HTR1F: variants seen among roughly 807,000 people sequenced by gnomAD.
The protein encoded by HTR1F is 5-hydroxytryptamine receptor 1F, also known as 5-hydroxytryptamine (serotonin) receptor 1F, G protein-coupled.
Under a neutral mutation model 24.0 loss-of-function variants are expected in HTR1F, and 17 were observed. The ratio of observed to expected loss-of-function variants is 0.71; its 90% CI spans 0.48 to 1.06. The LOEUF is 1.06. Ranked by LOEUF, HTR1F falls within the 50% of genes least tolerant of loss-of-function variation. HTR1F has a pLI of 0.00. For synonymous variants in HTR1F, 186 were observed against 156.8 expected, an observed-to-expected ratio of 1.19 and a Z score of -1.39; for missense variants, 391 against 427.8, an observed-to-expected ratio of 0.91 and a Z score of 0.76.
intron 2 of HTR1F, among the ~76,000 whole-genome samples, chr3:87,982,437 G>A (rs1191374387): frequency 2.0e-5 from 3 of 152,158 alleles, no homozygotes; most frequent in South Asian, 2.1e-4. Context: ...CTGTCAATCC[G>A]ATTCATAGGG....
chr3:87,839,242 A>C (rs1346530485), intron 2 of HTR1F, among the ~76,000 whole-genome samples: 1 of 151,998 alleles, frequency 6.6e-6, no homozygotes, highest in Non-Finnish European at 1.5e-5. Context: ...TGAGTTGCTC[A>C]TTGTAGATAG....
At chr3:87,907,406 G>T (rs938496234) in intron 2 of HTR1F, among the ~76,000 whole-genome samples, 6 of 148,534 alleles carry the variant, frequency 4.0e-5, no homozygotes, top group African/African-American at 1.5e-4. Flanking sequence ...TTAGTTCCTT[G>T]TGGATTCTGG....
intron 2 of HTR1F, among the ~76,000 whole-genome samples, chr3:87,886,892 C>T (rs996726308): frequency 2.0e-5 from 3 of 152,246 alleles, no homozygotes; most frequent in Non-Finnish European, 4.4e-5. Flanking sequence ...TGAAAATGGC[C>T]ATACTGCCCA....
At chr3:87,877,748 T>C (rs1227401102) in intron 2 of HTR1F, among the ~76,000 whole-genome samples, 1 of 152,184 alleles carries the variant, frequency 6.6e-6, no homozygotes, top group Admixed American at 6.5e-5. Flanking sequence ...TACTATACTG[T>C]ACATGGAGGA....
chr3:87,910,175 T>G (rs1488096978), intron 2 of HTR1F: 9 of 152,008 alleles, frequency 5.9e-5, no homozygotes, highest in Non-Finnish European at 1.3e-4. Context: ...AGGAAGCTTT[T>G]TATCCCAAAT....
intron 1 of HTR1F, among the ~76,000 whole-genome samples, chr3:87,815,144 G>A (rs1488838971): frequency 1.3e-5 from 2 of 152,090 alleles, no homozygotes; most frequent in Non-Finnish European, 2.9e-5. Flanking sequence ...TAAAAGGCAG[G>A]AATGATGTGT....
intron 2 of HTR1F, among the ~76,000 whole-genome samples, chr3:87,868,630 A>G (rs1488123186): frequency 6.6e-6 from 1 of 151,848 alleles, no homozygotes; most frequent in East Asian, 1.9e-4. Context: ...TTAGATAAGA[A>G]TTAAATAAAA....
intron 2 of HTR1F, among the ~76,000 whole-genome samples, chr3:87,919,846 G>A (rs1703972931): frequency 6.6e-6 from 1 of 151,870 alleles, no homozygotes. Context: ...ACCACCATTT[G>A]ATCCAGCAAT....
Position 87,974,193 on chromosome 3 carries a change from G to A in HTR1F, c.-42-16515G>A, listed in dbSNP as rs564793953. Among the ~76,000 whole-genome samples the A allele has an allele frequency of 4.6e-5, 7 of 152,324 alleles. No homozygotes were observed. The South Asian group carries it at 1.4e-3, about 32-fold the overall frequency. On this transcript the variant is annotated intron_variant, in intron 2 of 2. Transcript: ENST00000319595. Reference sequence around the variant, plus strand: ...ATTGTTGCCAACGGGCAACATCTTTGCAGAATTTGTGGCCTCAAGTAGAGA... The same window carrying A: ...ATTGTTGCCAACGGGCAACATCTTTACAGAATTTGTGGCCTCAAGTAGAGA...
intron 2 of HTR1F, among the ~76,000 whole-genome samples, chr3:87,972,068 C>A (rs1349868179): frequency 6.6e-6 from 1 of 152,060 alleles, no homozygotes; most frequent in African/African-American, 2.4e-5. Context: ...GTTTTTCATT[C>A]GTTCATTCAT....
chr3:87,940,829 T>C (rs1704550779), intron 2 of HTR1F, among the ~76,000 whole-genome samples: 1 of 152,210 alleles, frequency 6.6e-6, no homozygotes, highest in South Asian at 2.1e-4. Flanking sequence ...TCCTCATGGT[T>C]GTCTGACAGC....
intron 2 of HTR1F, among the ~76,000 whole-genome samples, chr3:87,938,431 G>T (rs1203197033): frequency 2.0e-5 from 3 of 152,080 alleles, no homozygotes; most frequent in African/African-American, 4.8e-5. Context: ...GGAACTAGAA[G>T]AAACTATTTT....
intron 2 of HTR1F, among the ~76,000 whole-genome samples, chr3:87,973,945 C>T (rs1430659445): frequency 6.6e-6 from 1 of 152,184 alleles, no homozygotes; most frequent in African/African-American, 2.4e-5. Flanking sequence ...GGCAGGCTGC[C>T]TGTTCACCAT....
intron 2 of HTR1F, among the ~76,000 whole-genome samples, chr3:87,904,282 A>G (rs1303303137): frequency 2.6e-5 from 4 of 152,168 alleles, no homozygotes; most frequent in Non-Finnish European, 5.9e-5. Flanking sequence ...GAGAGTGTAA[A>G]AAGGTTTAAA....
intron 2 of HTR1F, among the ~76,000 whole-genome samples, chr3:87,834,291 G>T (rs1365148258): frequency 6.6e-6 from 1 of 152,082 alleles, no homozygotes; most frequent in Admixed American, 6.5e-5. Context: ...ATGTATATGT[G>T]TATGTTTATG....
At chr3:87,838,099 G>A (rs1276114166) in intron 2 of HTR1F, among the ~76,000 whole-genome samples, 1 of 152,000 alleles carries the variant, frequency 6.6e-6, no homozygotes, top group Admixed American at 6.6e-5. Flanking sequence ...TTTCAATAAA[G>A]CTACACTCAT....
At chr3:87,858,348 A>G (rs1208604828) in intron 2 of HTR1F, among the ~76,000 whole-genome samples, 1 of 152,184 alleles carries the variant, frequency 6.6e-6, no homozygotes, top group Non-Finnish European at 1.5e-5. Flanking sequence ...TGTCTATATT[A>G]GGACTGGGTC....
rs555800220 is a variant in HTR1F, at chr3:87,985,543, T to C, written c.-42-5165T>C. Reference sequence around the variant, plus strand: ...TCTATGAAAAGAAAGACAATAATTGTACCTACCTCAAAGGTTAGTTATGAG... The same window carrying C: ...TCTATGAAAAGAAAGACAATAATTGCACCTACCTCAAAGGTTAGTTATGAG... On this transcript the variant is annotated intron_variant, in intron 2 of 2. Transcript: ENST00000319595. Among the ~76,000 whole-genome samples the C allele has an allele frequency of 3.3e-5, 5 of 152,332 alleles. No homozygotes were observed. The South Asian group carries it at 1.0e-3, about 32-fold the overall frequency.
At chr3:87,847,328 A>T (rs1351457613) in intron 2 of HTR1F, among the ~76,000 whole-genome samples, 1 of 151,864 alleles carries the variant, frequency 6.6e-6, no homozygotes, top group Non-Finnish European at 1.5e-5. Flanking sequence ...ACATTTAAAA[A>T]TTCTACAGCT....
Sources: gnomAD v4.1 joint callset for allele counts (sites outside exome capture counted in the v4.1 genomes callset) on GRCh38, gnomAD v4.1.1 for gene constraint, MANE v1.5 for transcripts, NCBI Gene and HGNC (gene_info 2026-07-23, HGNC 2026-07-21) for gene names.